LZTS1: variants seen among roughly 807,000 people sequenced by gnomAD.
LZTS1 encodes leucine zipper tumor suppressor 1.
LZTS1 carries 31 observed loss-of-function variants against 45.8 expected under a neutral mutation model. The observed-to-expected ratio is 0.68, with a 90% CI of 0.51 to 0.91. The LOEUF (loss-of-function observed/expected upper bound fraction) is 0.91, where lower values mean the gene tolerates loss of function less well. LZTS1 is among the 40% of genes least tolerant of loss of function. The pLI is 0.00. For missense variants in LZTS1, 821 were observed against 788.9 expected (o/e 1.04, Z -0.49); for synonymous variants, 359 against 357.3 (o/e 1.00, Z -0.05).
At chr8:20,299,536 C>G (rs190730211) in intron 1 of LZTS1, among the ~76,000 whole-genome samples, 3 of 152,224 alleles carry the variant, frequency 2.0e-5, no homozygotes, top group Admixed American at 2.0e-4. Context: ...TGCTGTTATT[C>G]CCCACTCCCT....
rs560181719 is a variant in LZTS1 at position 20,299,491 on chromosome 8, C to T, written c.-135+4249G>A. 3.9e-4 allele frequency among the ~76,000 whole-genome samples: 59 copies of T among 152,350 alleles called. No individual in the cohort carries two copies. The South Asian group carries it at 0.012, about 30-fold the overall frequency. On this transcript the variant is annotated intron_variant, in intron 1 of 3. Transcript: ENST00000381569. ...CAGTTCTTCTTCCCAACTGTCATCACAAATTTTAGTCTCTAAGCATTATTT... is the reference window on the plus strand; with the variant it reads ...CAGTTCTTCTTCCCAACTGTCATCATAAATTTTAGTCTCTAAGCATTATTT...
intron 1 of LZTS1, among the ~76,000 whole-genome samples, chr8:20,269,624 A>T (rs1457380264): frequency 1.3e-5 from 2 of 152,248 alleles, no homozygotes; most frequent in African/African-American, 4.8e-5. Flanking sequence ...CGGAAGAATC[A>T]ATGGAAACTG....
intron 1 of LZTS1, among the ~76,000 whole-genome samples, chr8:20,278,245 C>CA (rs1800622575): frequency 6.6e-6 from 1 of 152,122 alleles, no homozygotes; most frequent in African/African-American, 2.4e-5. Flanking sequence ...CACTAAGAGG[C>CA]AAAATGGTAT....
intron 1 of LZTS1, among the ~76,000 whole-genome samples, chr8:20,273,151 G>A (rs181491509): frequency 9.2e-5 from 14 of 152,180 alleles, no homozygotes; most frequent in Admixed American, 3.3e-4. Flanking sequence ...ACCTCTCGGC[G>A]GCTCTGTCTC....
chr8:20,265,589 G>A (rs1464726432), intron 1 of LZTS1, among the ~76,000 whole-genome samples: 1 of 143,468 alleles, frequency 7.0e-6, no homozygotes, highest in Non-Finnish European at 1.5e-5. Context: ...TGAGGTGGGA[G>A]GATTGCTTCA....
At chr8:20,259,649 C>T (rs985976373) in intron 1 of LZTS1, among the ~76,000 whole-genome samples, 10 of 152,152 alleles carry the variant, frequency 6.6e-5, no homozygotes, top group African/African-American at 2.2e-4. Flanking sequence ...GGTGAACATA[C>T]GAAGTCTTGA....
intron 1 of LZTS1, among the ~76,000 whole-genome samples, chr8:20,260,454 A>C (rs1371767896): frequency 6.6e-6 from 1 of 152,214 alleles, no homozygotes. Context: ...GACCAGTGAC[A>C]GAGGTGGGAT....
chr8:20,253,217 CT>C lies in LZTS1; in HGVS notation c.713del (p.Lys238SerfsTer116). 6.2e-7 allele frequency: 1 copy of C among 1,613,896 alleles called. No homozygotes were observed. Among genetic ancestry groups the C allele is most frequent in the Non-Finnish European group, 8.5e-7 (1 of 1,180,046 alleles). The stretch of plus-strand genomic sequence containing the variant: ...TGTCTGCCTTGTTCGAGTGGCCCAG[CT>C]TGCTACCTCCGTCGGAGAAGGACAG... ...KALSFSDGGS[K>X]LGHSNKADKG... is the part of the protein sequence containing the mutation. On this transcript the variant is annotated frameshift_variant, in exon 3 of 4. Coordinates refer to ENST00000381569, the MANE Select transcript of LZTS1 (RefSeq NM_021020.5). LOFTEE classifies it high-confidence loss of function.
At chr8:20,276,802 G>C (rs1016898129) in intron 1 of LZTS1, among the ~76,000 whole-genome samples, 6 of 152,190 alleles carry the variant, frequency 3.9e-5, no homozygotes, top group Non-Finnish European at 7.3e-5. Context: ...AGAGCTGATT[G>C]TTTTCTTGTT....
intron 1 of LZTS1, among the ~76,000 whole-genome samples, chr8:20,275,351 G>A (rs1585293833): frequency 1.1e-5 from 1 of 90,730 alleles, no homozygotes; most frequent in African/African-American, 3.7e-5. Flanking sequence ...GCAGTAAGCC[G>A]AGATGATCGC....
At position 20,253,815 on chromosome 8, in the gene LZTS1, A is replaced by G. The variant is rs10101253; in HGVS notation, c.346-230T>C. Among the ~76,000 whole-genome samples, 5,227 of 152,210 alleles carry G rather than the reference A, an allele frequency of 0.034. 320 individuals are homozygous for G. The highest frequency in any genetic ancestry group is 0.12 in the African/African-American group (4,987 of 41,512). ...GGCGACTTGGGCACTTTGTTCTATG[A>G]AATAGCAACCTGCCACCAGCTTGCC... On this transcript the variant is annotated intron_variant, in intron 2 of 3. Transcript: ENST00000381569.
At chr8:20,294,628 G>A (rs999382867) in intron 1 of LZTS1, among the ~76,000 whole-genome samples, 1 of 152,158 alleles carries the variant, frequency 6.6e-6, no homozygotes, top group Non-Finnish European at 1.5e-5. Context: ...CTCAAGATGT[G>A]TGCGCTGTCC....
At chr8:20,272,636 C>G (rs564702532) in intron 1 of LZTS1, among the ~76,000 whole-genome samples, 1 of 152,214 alleles carries the variant, frequency 6.6e-6, no homozygotes, top group Admixed American at 6.5e-5. Context: ...TGCTGCCACA[C>G]TCCCTGCAGA....
rs1800418733 is a variant in LZTS1 at position 20,268,885 on chromosome 8, C to G, written c.-134-13570G>C. ...GGCAGGCTGAGTCATTCCATCGGGT[C>G]GAACAATCGGAAGCAATTCGGCTTC... is the stretch of plus-strand genomic sequence containing the variant. On this transcript the variant is annotated intron_variant, in intron 1 of 3. Coordinates refer to ENST00000381569, the MANE Select transcript of LZTS1 (RefSeq NM_021020.5). Among the ~76,000 whole-genome samples the G allele has an allele frequency of 2.0e-5, 3 of 151,958 alleles. No individual in the cohort carries two copies. The South Asian group carries it at 6.2e-4, about 32-fold the overall frequency.
intron 1 of LZTS1, among the ~76,000 whole-genome samples, chr8:20,291,107 G>A (rs1468468070): frequency 2.0e-5 from 3 of 152,182 alleles, no homozygotes; most frequent in East Asian, 1.9e-4. Context: ...TATCACAGCC[G>A]CCCATTCTAC....
chr8:20,287,563 C>A (rs1002176387), intron 1 of LZTS1, among the ~76,000 whole-genome samples: 5 of 152,114 alleles, frequency 3.3e-5, no homozygotes, highest in African/African-American at 1.2e-4. Context: ...GTCTTCAGGG[C>A]AGGGAGGTTA....
chr8:20,254,991 T>A lies in LZTS1; in HGVS notation c.191A>T (p.Asp64Val), dbSNP rs1800058320. The change falls in exon 2 of 4, where the codon GAC (aspartate) becomes GTC (valine). Residue 64 changes from aspartate to valine, a missense_variant. Asp to Val is a radical substitution (Grantham distance 152, BLOSUM62 -3). Transcript: ENST00000381569. ...CTGGCTGACCTTGATGTAGAAGAAGTCTTCGCTCTTGCCCATTTTGGAGCT... is the reference window on the plus strand; with the variant it reads ...CTGGCTGACCTTGATGTAGAAGAAGACTTCGCTCTTGCCCATTTTGGAGCT... ...KSSSKMGKSE[D>V]FFYIKVSQKA... The A allele has an allele frequency of 6.2e-7, 1 of 1,613,950 alleles. No homozygotes were observed. Among genetic ancestry groups the A allele is most frequent in the South Asian group, 1.1e-5 (1 of 91,078 alleles).
At chr8:20,276,564 G>A (rs2132702) in intron 1 of LZTS1, among the ~76,000 whole-genome samples, 90,125 of 152,070 alleles carry the variant, frequency 0.59, 27,173 homozygotes, top group Middle Eastern at 0.64. Context: ...CTTTCTCTAC[G>A]CATCTCTTCA....
intron 1 of LZTS1, among the ~76,000 whole-genome samples, chr8:20,303,346 C>T (rs1016151813): frequency 6.6e-6 from 1 of 152,168 alleles, no homozygotes; most frequent in Non-Finnish European, 1.5e-5. Flanking sequence ...CCTCTTCCTG[C>T]GGCCCCTGCT....
Sources: allele counts gnomAD v4.1 joint callset (sites outside exome capture counted in the v4.1 genomes callset), GRCh38; gene constraint gnomAD v4.1.1; transcripts MANE v1.5; gene names NCBI Gene and HGNC (gene_info 2026-07-23, HGNC 2026-07-21).